Variants in CNIH3 observed in about 807,000 individuals in gnomAD.
CNIH3 encodes the protein protein cornichon homolog 3.
A neutral mutation model predicts 24.1 loss-of-function variants in CNIH3; 14 were observed. The observed-to-expected ratio is 0.58, with a 90% CI of 0.38 to 0.91. CNIH3 has a LOEUF of 0.91. Among genes scored for constraint, CNIH3 ranks in the 40% least tolerant of loss-of-function variants. The pLI, the probability that CNIH3 is intolerant of heterozygous loss-of-function variation, is 0.00. For missense variants in CNIH3, 178 were observed against 196.8 expected (o/e 0.90, Z 0.57); for synonymous variants, 68 against 73.8 (o/e 0.92, Z 0.40).
In CNIH3 at chr1:224,545,667, A is replaced by C. The variant is rs536521339; in HGVS notation, n.340-1162A>C. ...GGCGGAGGAAGAAGGGGCACAGAGG[A>C]GGGGATTTATGTGAATAAAGAGTCT... On this transcript the variant is annotated intron_variant and non_coding_transcript_variant, in intron 2 of 5. Transcript: ENST00000471578. 3.9e-5 allele frequency among the ~76,000 whole-genome samples: 6 copies of C among 152,286 alleles called. No homozygotes were observed. The South Asian group carries it at 1.2e-3, about 32-fold the overall frequency.
intron 3 of CNIH3, among the ~76,000 whole-genome samples, chr1:224,559,561 TG>T (rs1161334471): frequency 2.6e-5 from 4 of 152,064 alleles, no homozygotes; most frequent in Non-Finnish European, 4.4e-5. Flanking sequence ...TTTGTAGAGA[TG>T]GGGTGTCACT....
chr1:224,611,178 A>G (rs532661692), intron 3 of CNIH3, among the ~76,000 whole-genome samples: 2 of 152,266 alleles, frequency 1.3e-5, no homozygotes, highest in South Asian at 4.2e-4. Context: ...TCTTCCCCAA[A>G]AGTTATGCCT....
intron 1 of CNIH3, among the ~76,000 whole-genome samples, chr1:224,630,811 G>C (rs186920351): frequency 6.6e-6 from 1 of 152,142 alleles, no homozygotes; most frequent in African/African-American, 2.4e-5. Context: ...ACTGCCTTCA[G>C]GTGAGTGAGG....
chr1:224,617,285 T>C, intron 1 of CNIH3, 30 bp downstream of exon 1: 1 of 1,606,274 alleles, frequency 6.2e-7, no homozygotes, highest in Non-Finnish European at 8.5e-7. Context: ...CTCTCTTCTT[T>C]CGCCCCAATT....
chr1:224,565,607 C>G (rs1680547489), intron 3 of CNIH3: 1 of 152,544 alleles, frequency 6.6e-6, no homozygotes, highest in Non-Finnish European at 1.5e-5. Flanking sequence ...CCTCTTGCTT[C>G]ATACTCCCCT....
chr1:224,657,435 A>AC lies in CNIH3; in HGVS notation c.82-23523_82-23522insC, dbSNP rs1440117007. Among the ~76,000 whole-genome samples the AC allele has an allele frequency of 2.9e-4, 44 of 150,054 alleles. 1 individual carries two copies. Among genetic ancestry groups the AC allele is most frequent in the East Asian group, 7.7e-4 (4 of 5,174 alleles). On this transcript the variant is annotated intron_variant, in intron 1 of 5. Coordinates refer to ENST00000272133, the MANE Select transcript of CNIH3 (RefSeq NM_152495.2). ...AGAGAGAGAGAGAGAGAGAGAGAGA[A>AC]ATATGCCTCACATTTTATTGATAAG...
intron 1 of CNIH3, among the ~76,000 whole-genome samples, chr1:224,659,177 G>A (rs2125114439): frequency 6.6e-6 from 1 of 152,306 alleles, no homozygotes; most frequent in Middle Eastern, 3.4e-3. Flanking sequence ...AAAGCAGTTT[G>A]TTTTGTCACC....
intron 4 of CNIH3, among the ~76,000 whole-genome samples, chr1:224,576,611 C>T (rs927906478): frequency 1.3e-5 from 2 of 152,156 alleles, no homozygotes; most frequent in African/African-American, 4.8e-5. Flanking sequence ...ATTCTTATGA[C>T]CTATGTAAAT....
At chr1:224,677,862 A>G (rs138771070) in intron 1 of CNIH3, among the ~76,000 whole-genome samples, 3 of 152,308 alleles carry the variant, frequency 2.0e-5, no homozygotes, top group Admixed American at 1.3e-4. Context: ...GGGGGCCTAT[A>G]TGTGGGGCAC....
intron 1 of CNIH3, among the ~76,000 whole-genome samples, chr1:224,648,981 C>G (rs905814466): frequency 1.2e-4 from 19 of 152,152 alleles, no homozygotes; most frequent in African/African-American, 4.6e-4. Flanking sequence ...GAATTTCTTC[C>G]TTTCTGAATC....
intron 1 of CNIH3, among the ~76,000 whole-genome samples, chr1:224,492,805 G>A (rs1243061656): frequency 6.6e-6 from 1 of 152,124 alleles, no homozygotes; most frequent in African/African-American, 2.4e-5. Flanking sequence ...CCTGTGCTCC[G>A]AGTCTACCTG....
chr1:224,450,400 A>G (rs145899220), intron 1 of CNIH3, among the ~76,000 whole-genome samples: 165 of 152,338 alleles, frequency 1.1e-3, no homozygotes, highest in Middle Eastern at 3.4e-3. Flanking sequence ...GACCCTGTCT[A>G]CTGAATGGCC....
At chr1:224,434,646 G>T (rs1190909260), upstream of CNIH3, 4 of 707,136 alleles carry the variant, frequency 5.7e-6, no homozygotes, top group South Asian at 6.0e-5. Flanking sequence ...GGGCGGCTGC[G>T]GGGGCGCGGG....
chr1:224,501,580 A>G (rs1464927685), intron 1 of CNIH3, among the ~76,000 whole-genome samples: 1 of 150,320 alleles, frequency 6.7e-6, no homozygotes, highest in Non-Finnish European at 1.5e-5. Context: ...TGTTTTATAC[A>G]GAATTTTTTT....
intron 2 of CNIH3, among the ~76,000 whole-genome samples, chr1:224,532,058 A>G (rs976800996): frequency 5.3e-5 from 8 of 152,166 alleles, no homozygotes; most frequent in African/African-American, 1.9e-4. Flanking sequence ...TAAGTAACAG[A>G]TCTATAGTAA....
At chr1:224,484,643 G>A (rs1375373971) in intron 1 of CNIH3, among the ~76,000 whole-genome samples, 1 of 151,912 alleles carries the variant, frequency 6.6e-6, no homozygotes, top group Admixed American at 6.6e-5. Flanking sequence ...TACCTTTTGG[G>A]AACTCCAGTT....
chr1:224,596,144 G>C (rs1272624579), intron 3 of CNIH3, among the ~76,000 whole-genome samples: 2 of 152,238 alleles, frequency 1.3e-5, no homozygotes, highest in Admixed American at 1.3e-4. Flanking sequence ...TTCATAGCTA[G>C]AGAGGAAAAG....
In CNIH3 at chr1:224,482,666, AG is replaced by A. The variant is rs1676861703; in HGVS notation, n.204-33071del. 2.6e-5 allele frequency among the ~76,000 whole-genome samples: 4 copies of A among 151,762 alleles called. No homozygotes were observed. The South Asian group carries it at 8.3e-4, about 32-fold the overall frequency. On this transcript the variant is annotated intron_variant and non_coding_transcript_variant, in intron 1 of 5. Coordinates refer to the CNIH3 transcript ENST00000471578. The stretch of plus-strand genomic sequence containing the variant: ...CCTCTCCTCTCCTCAAGCAGAAGGA[AG>A]GGGTCACTTTTGGAGCTGTGAGCTG...
intron 3 of CNIH3, among the ~76,000 whole-genome samples, chr1:224,705,050 G>A (rs576015518): frequency 6.6e-6 from 1 of 151,342 alleles, no homozygotes; most frequent in African/African-American, 2.4e-5. Flanking sequence ...CCTGGGAGAC[G>A]AAGGTTGCAG....
Sources: allele counts gnomAD v4.1 joint callset (sites outside exome capture counted in the v4.1 genomes callset), GRCh38; gene constraint gnomAD v4.1.1; transcripts MANE v1.5; gene names NCBI Gene and HGNC (gene_info 2026-07-23, HGNC 2026-07-21).